EVC2: variants seen among roughly 807,000 people sequenced by gnomAD.
The protein encoded by EVC2 is EvC ciliary complex subunit 2.
EVC2 carries 148 observed loss-of-function variants against 149.3 expected under a neutral mutation model. That is an observed-to-expected ratio of 0.99 (90% CI 0.87 to 1.14). EVC2 has a LOEUF of 1.14. EVC2 is among the 50% of genes most tolerant of loss of function. EVC2 has a pLI of 0.00. For missense variants in EVC2, 1,854 were observed against 1,627.3 expected (o/e 1.14, Z -2.40); for synonymous variants, 776 against 649.9 (o/e 1.19, Z -2.95).
intron 7 of EVC2, among the ~76,000 whole-genome samples, chr4:5,666,051 C>T (rs867858461): frequency 2.6e-4 from 40 of 152,202 alleles, no homozygotes; most frequent in African/African-American, 8.9e-4. Flanking sequence ...ACCCATGGCA[C>T]CCTCACCTTC....
the EVC2 span, among the ~76,000 whole-genome samples, chr4:5,535,890 C>T: frequency 7.3e-4 from 111 of 152,226 alleles, no homozygotes; most frequent in African/African-American, 2.2e-3. This position sits in a 1 kb window ranked among gnomAD's most constrained non-coding sequence, Gnocchi z 4.7. Context: ...GCCCCAAAGA[C>T]GCCCATACCC....
chr4:5,594,360 T>A (rs1416178501), intron 16 of EVC2, among the ~76,000 whole-genome samples: 5 of 152,142 alleles, frequency 3.3e-5, no homozygotes, highest in Non-Finnish European at 4.4e-5. Flanking sequence ...GGCCGGGTAC[T>A]CCTCTGAGAC....
Position 5,544,262 on chromosome 4 carries a change from A to G in EVC2, c.3420-1050T>C, listed in dbSNP as rs75413548. Among the ~76,000 whole-genome samples the G allele has an allele frequency of 1.3e-5, 2 of 150,616 alleles. 1 individual carries two copies. The highest frequency in any genetic ancestry group is 4.1e-4 in the South Asian group (2 of 4,836). On this transcript the variant is annotated intron_variant and NMD_transcript_variant, in intron 21 of 22. Coordinates refer to the EVC2 transcript ENST00000475313. ...GAAGTTGTTATGGAAAAAAAAAAAAAGAGAGAAAATTCTGTTTTCACAACC... is the reference window on the plus strand; with the variant it reads ...GAAGTTGTTATGGAAAAAAAAAAAAGGAGAGAAAATTCTGTTTTCACAACC...
intron 21 of EVC2, among the ~76,000 whole-genome samples, chr4:5,556,880 C>T (rs1300234166): frequency 2.0e-5 from 3 of 151,402 alleles, no homozygotes; most frequent in South Asian, 2.1e-4. Context: ...ATTCACACAA[C>T]GTGAAGGAGA....
At chr4:5,621,017 A>G (rs1163449770) in intron 14 of EVC2, among the ~76,000 whole-genome samples, 1 of 152,242 alleles carries the variant, frequency 6.6e-6, no homozygotes, top group African/African-American at 2.4e-5. Context: ...TCAAGAAAGC[A>G]AAAGCTAACA....
At chr4:5,534,037 T>A in the EVC2 span, among the ~76,000 whole-genome samples, 1 of 152,148 alleles carries the variant, frequency 6.6e-6, no homozygotes, top group Non-Finnish European at 1.5e-5. Flanking sequence ...GTAAGGAATT[T>A]GGATTTTATT....
At chr4:5,655,859 T>C (rs1300838722) in intron 9 of EVC2, among the ~76,000 whole-genome samples, 1 of 152,074 alleles carries the variant, frequency 6.6e-6, no homozygotes, top group Non-Finnish European at 1.5e-5. Flanking sequence ...GCATTATTTA[T>C]GGGCCTCGTA....
intron 6 of EVC2, among the ~76,000 whole-genome samples, chr4:5,682,185 G>C (rs956643287): frequency 6.6e-6 from 1 of 152,158 alleles, no homozygotes; most frequent in Admixed American, 6.6e-5. Flanking sequence ...ATTAGCAGCA[G>C]CAGCAGCAGT....
chr4:5,624,576 G>C (rs1356717825), intron 13 of EVC2, among the ~76,000 whole-genome samples: 1 of 152,228 alleles, frequency 6.6e-6, no homozygotes, highest in Non-Finnish European at 1.5e-5. Context: ...GTAGCTGCAA[G>C]AAATAATATT....
chr4:5,679,978 CT>C lies in EVC2; in HGVS notation c.870+1281del, dbSNP rs1720233696. On this transcript the variant is annotated intron_variant, in intron 7 of 21. Transcript: ENST00000344408. The surrounding 1 kb of genome is among the most constrained non-coding windows in gnomAD (Gnocchi z 5.1). ...GTATTTTTTTAAAACACTTCTTAAACTTTTTGTTAAAAACTAAGACACACAT... is the reference window on the plus strand; with the variant it reads ...GTATTTTTTTAAAACACTTCTTAAACTTTTGTTAAAAACTAAGACACACAT... Among the ~76,000 whole-genome samples, 1 of 152,124 alleles carries C rather than the reference CT, an allele frequency of 6.6e-6. No homozygotes were observed. Among genetic ancestry groups the C allele is most frequent in the African/African-American group, 2.4e-5 (1 of 41,414 alleles).
At chr4:5,534,767 T>C in the EVC2 span, among the ~76,000 whole-genome samples, 1 of 149,694 alleles carries the variant, frequency 6.7e-6, no homozygotes, top group Non-Finnish European at 1.5e-5. Flanking sequence ...GATACCCTGG[T>C]TTTTCCTCTG....
intron 16 of EVC2, among the ~76,000 whole-genome samples, chr4:5,606,131 C>A (rs1241086969): frequency 6.6e-6 from 1 of 152,188 alleles, no homozygotes; most frequent in Non-Finnish European, 1.5e-5. Context: ...CTACAAAATG[C>A]CTAAATCTTG....
At chr4:5,607,280 T>C (rs1714467373) in intron 16 of EVC2, among the ~76,000 whole-genome samples, 3 of 152,198 alleles carry the variant, frequency 2.0e-5, no homozygotes, top group African/African-American at 7.2e-5. Context: ...AAAATTTCAC[T>C]AGAGCTCCTA....
At chr4:5,698,601 G>T (rs543499449) in intron 1 of EVC2, among the ~76,000 whole-genome samples, 13 of 152,320 alleles carry the variant, frequency 8.5e-5, no homozygotes, top group Admixed American at 2.6e-4. Flanking sequence ...AACAGTAAAA[G>T]CTCTCCCAGA....
At chr4:5,663,045 T>A in intron 9 of EVC2, 62 bp downstream of exon 9, 2 of 1,605,638 alleles carry the variant, frequency 1.2e-6, no homozygotes, top group Non-Finnish European at 1.7e-6. Flanking sequence ...TTTGGCCTTA[T>A]GTCACTGTCG....
intron 17 of EVC2, among the ~76,000 whole-genome samples, chr4:5,581,354 G>A (rs1033820852): frequency 6.6e-6 from 1 of 152,186 alleles, no homozygotes. Context: ...TTGTTACATT[G>A]TTGTGACCAA....
At chr4:5,623,792 G>GT (rs1715910069) in intron 13 of EVC2, among the ~76,000 whole-genome samples, 2 of 152,242 alleles carry the variant, frequency 1.3e-5, no homozygotes, top group Admixed American at 1.3e-4. Flanking sequence ...CCCAAAGCAG[G>GT]TATTTTACCC....
chr4:5,651,930 C>G lies in EVC2; in HGVS notation c.1146-11092G>C, dbSNP rs796968655. Among the ~76,000 whole-genome samples the G allele has an allele frequency of 3.9e-5, 6 of 152,358 alleles. No homozygotes were observed. In the East Asian group the frequency reaches 9.6e-4, roughly 24 times the overall value. On this transcript the variant is annotated intron_variant, in intron 9 of 21. Transcript: ENST00000344408. ...TTATCCATGACAACCTTGCATATAT[C>G]TGATGATTATAATCAGGCGATCACA...
At chr4:5,560,097 C>G (rs551685242), downstream of EVC2, among the ~76,000 whole-genome samples, 2 of 151,592 alleles carry the variant, frequency 1.3e-5, no homozygotes, top group Non-Finnish European at 2.9e-5. This position sits in a 1 kb window ranked among gnomAD's most constrained non-coding sequence, Gnocchi z 4.1. Context: ...GCAACTAGAT[C>G]GAACTCCTTA....
Sources: allele counts gnomAD v4.1 joint callset (sites outside exome capture counted in the v4.1 genomes callset), GRCh38; gene constraint gnomAD v4.1.1; non-coding constraint Gnocchi (gnomAD v3.1); transcripts MANE v1.5; gene names NCBI Gene and HGNC (gene_info 2026-07-23, HGNC 2026-07-21).